The following MYO18B variants were observed in gnomAD, a reference collection of about 807,000 sequenced individuals.
The protein encoded by MYO18B is unconventional myosin-XVIIIb.
In MYO18B, 204 loss-of-function variants were observed where a neutral mutation model predicts 273.0. The ratio of observed to expected loss-of-function variants is 0.75; its 90% confidence interval spans 0.67 to 0.84. The LOEUF (loss-of-function observed/expected upper bound fraction) is 0.84, where lower values mean the gene tolerates loss of function less well. Among genes scored for constraint, MYO18B ranks in the 40% least tolerant of loss-of-function variants. The pLI is 0.00. For missense variants in MYO18B, 3,212 were observed against 3,287.6 expected (o/e 0.98, Z 0.56); for synonymous variants, 1,330 against 1,305.7 (o/e 1.02, Z -0.40).
rs1156326670 is a variant in MYO18B at position 25,874,281 on chromosome 22, C to G, written c.3952-5C>G. On this transcript the variant is annotated splice_polypyrimidine_tract_variant and splice_region_variant and intron_variant, in intron 22 of 43. Coordinates refer to ENST00000335473, the MANE Select transcript of MYO18B (RefSeq NM_032608.7). ...GGACTCACCTGAAACCTTCCCTCTCCCCAGGTTTTTCTCAAGGCAGGTGTG... is the reference window on the plus strand; with the variant it reads ...GGACTCACCTGAAACCTTCCCTCTCGCCAGGTTTTTCTCAAGGCAGGTGTG... The G allele has an allele frequency of 5.6e-6, 9 of 1,613,766 alleles. No individual in the cohort carries two copies. In the East Asian group the frequency reaches 2.0e-4, roughly 36 times the overall value.
intron 42 of MYO18B, among the ~76,000 whole-genome samples, chr22:26,025,884 GT>G (rs750856096): frequency 3.9e-5 from 6 of 152,170 alleles, no homozygotes; most frequent in Non-Finnish European, 7.3e-5. Context: ...TATAGTCTTG[GT>G]TTTAAGTTGA....
chr22:25,821,850 C>A (rs1305439847), intron 12 of MYO18B, among the ~76,000 whole-genome samples: 1 of 152,120 alleles, frequency 6.6e-6, no homozygotes, highest in African/African-American at 2.4e-5. Flanking sequence ...AAAAGTAGTG[C>A]TCAACCATGG....
intron 21 of MYO18B, among the ~76,000 whole-genome samples, chr22:25,864,567 C>T (rs141219171): frequency 1.3e-3 from 191 of 152,250 alleles, no homozygotes; most frequent in African/African-American, 4.2e-3. Context: ...CTGATCCCAG[C>T]GTTGGAGGGT....
At chr22:26,028,476 CT>C (rs1452841968) in intron 43 of MYO18B, 2 of 152,106 alleles carry the variant, frequency 1.3e-5, no homozygotes, top group Non-Finnish European at 2.9e-5. Flanking sequence ...AACTGAGGCC[CT>C]AGGTTCAGGG....
At chr22:26,061,478 A>G in the MYO18B span, among the ~76,000 whole-genome samples, 6 of 152,092 alleles carry the variant, frequency 3.9e-5, no homozygotes, top group African/African-American at 1.4e-4. Flanking sequence ...CAGCTTCATT[A>G]GCTAAGGAGT....
intron 25 of MYO18B, 135 bp downstream of exon 25, chr22:25,878,183 A>C (rs1167790119): frequency 1.5e-6 from 1 of 667,160 alleles, no homozygotes; most frequent in Non-Finnish European, 2.5e-6. Flanking sequence ...TGTGAGGCAC[A>C]TGCTGTTATT....
intron 18 of MYO18B, among the ~76,000 whole-genome samples, chr22:25,845,049 C>A (rs1265322040): frequency 6.6e-6 from 1 of 152,216 alleles, no homozygotes; most frequent in Admixed American, 6.5e-5. Context: ...AGCTACATGA[C>A]CTGGACCTCA....
At chr22:25,772,791 A>C (rs891202118) in intron 7 of MYO18B, among the ~76,000 whole-genome samples, 2 of 152,194 alleles carry the variant, frequency 1.3e-5, no homozygotes, top group South Asian at 4.1e-4. Flanking sequence ...TCTACCAGAC[A>C]CTGCTGTATG....
the MYO18B span, among the ~76,000 whole-genome samples, chr22:26,051,801 G>A: frequency 6.6e-6 from 1 of 152,178 alleles, no homozygotes; most frequent in East Asian, 1.9e-4. Context: ...TCTTAAAAAT[G>A]TATGCATTTG....
chr22:25,817,434 T>C (rs1181230884), intron 12 of MYO18B, among the ~76,000 whole-genome samples: 3 of 136,166 alleles, frequency 2.2e-5, no homozygotes, highest in Non-Finnish European at 4.8e-5. Flanking sequence ...TTCCCTTTCC[T>C]TTCCCTTTCT....
intron 11 of MYO18B, among the ~76,000 whole-genome samples, chr22:25,790,940 G>T (rs2087633992): frequency 6.6e-6 from 1 of 152,244 alleles, no homozygotes; most frequent in Non-Finnish European, 1.5e-5. Context: ...GTAGTACTGT[G>T]GACCCAGCTC....
At chr22:25,993,242 A>T (rs1932899235) in intron 40 of MYO18B, among the ~76,000 whole-genome samples, 1 of 152,122 alleles carries the variant, frequency 6.6e-6, no homozygotes, top group African/African-American at 2.4e-5. Context: ...CTCCTGTAGC[A>T]TTCTGTTCCC....
intron 14 of MYO18B, among the ~76,000 whole-genome samples, chr22:25,827,708 T>G (rs535590802): frequency 7.9e-5 from 12 of 152,238 alleles, no homozygotes; most frequent in African/African-American, 2.6e-4. Flanking sequence ...ACAGACATAT[T>G]ATCTAGAAAC....
At position 26,002,815 on chromosome 22, in the gene MYO18B, C is replaced by G. The variant is rs188498002; in HGVS notation, c.6288-450C>G. Among the ~76,000 whole-genome samples the G allele has an allele frequency of 2.6e-4, 40 of 152,240 alleles. No homozygotes were observed. In the East Asian group the frequency reaches 6.2e-3, roughly 23 times the overall value. On this transcript the variant is annotated intron_variant, in intron 40 of 43. Coordinates refer to ENST00000335473, the MANE Select transcript of MYO18B (RefSeq NM_032608.7). ...GGGATGCTCTCTAAAGAACAGCTAC[C>G]ATCGTAATTAGTATTGGAGTTTCCC...
chr22:25,815,619 C>G (rs960107531), intron 12 of MYO18B, among the ~76,000 whole-genome samples: 2 of 152,198 alleles, frequency 1.3e-5, no homozygotes, highest in African/African-American at 4.8e-5. Context: ...GTTCTTTCCA[C>G]AATTCCCACC....
intron 34 of MYO18B, among the ~76,000 whole-genome samples, chr22:25,924,573 G>T (rs1601589038): frequency 6.6e-6 from 1 of 152,224 alleles, no homozygotes; most frequent in Non-Finnish European, 1.5e-5. Context: ...GGGGCGTCCT[G>T]TTTAGCTTGG....
At chr22:25,880,231 T>C (rs1454393943) in intron 25 of MYO18B, among the ~76,000 whole-genome samples, 1 of 152,112 alleles carries the variant, frequency 6.6e-6, no homozygotes, top group African/African-American at 2.4e-5. Flanking sequence ...GTAAATAATA[T>C]TTTAAAATTG....
At chr22:26,005,310 C>T (rs1317388734) in intron 42 of MYO18B, among the ~76,000 whole-genome samples, 1 of 152,100 alleles carries the variant, frequency 6.6e-6, no homozygotes, top group African/African-American at 2.4e-5. Context: ...AATGGAAAGT[C>T]ATTATAAAGA....
chr22:25,859,159 C>T (rs1239016902), intron 21 of MYO18B, among the ~76,000 whole-genome samples: 1 of 151,742 alleles, frequency 6.6e-6, no homozygotes, highest in African/African-American at 2.4e-5. Context: ...TTTTAATGCC[C>T]CTTCTATACA....
Sources: allele counts gnomAD v4.1 joint callset (sites outside exome capture counted in the v4.1 genomes callset), GRCh38; gene constraint gnomAD v4.1.1; transcripts MANE v1.5; gene names NCBI Gene and HGNC (gene_info 2026-07-23, HGNC 2026-07-21).